Variants in STX16 observed in about 807,000 individuals in gnomAD.
STX16 encodes syntaxin-16.
In STX16, 28 loss-of-function variants were observed where a neutral mutation model predicts 42.7. The ratio of observed to expected loss-of-function variants is 0.66; its 90% CI spans 0.49 to 0.90. STX16 has a LOEUF of 0.90. Among genes scored for constraint, STX16 ranks in the 40% least tolerant of loss-of-function variants. The pLI is 0.00. For synonymous variants in STX16, 156 were observed against 155.2 expected, an observed-to-expected ratio of 1.00 and a Z score of -0.04; for missense variants, 361 against 420.9, an observed-to-expected ratio of 0.86 and a Z score of 1.24.
rs1472630071 is a variant in STX16 at position 58,667,498 on chromosome 20, T to G, written c.153T>G (p.Asp51Glu). The G allele has an allele frequency of 1.2e-6, 2 of 1,613,942 alleles. No individual in the cohort carries two copies. Among genetic ancestry groups the G allele is most frequent in the Non-Finnish European group, 1.7e-6 (2 of 1,179,994 alleles). ...SIAAELDELADDRMALVSGIS... is the reference protein window; with the variant it reads ...SIAAELDELAEDRMALVSGIS... ...CCTTTACTTTCCTGTAGCTTGCTGA[T>G]GACCGTATGGCACTGGTGTCAGGCA... The change falls in exon 3 of 9, where the codon GAT (aspartate) becomes GAG (glutamate). Residue 51 changes from aspartate (D) to glutamate (E), a missense_variant. Asp to Glu is a conservative substitution (Grantham distance 45). Transcript: ENST00000371141.
At chr20:58,665,223 C>G (rs1006833681) in intron 2 of STX16, among the ~76,000 whole-genome samples, 8 of 152,222 alleles carry the variant, frequency 5.3e-5, no homozygotes, top group African/African-American at 1.9e-4. Context: ...GTCTGCGCCT[C>G]TCTGTCCACG....
chr20:58,665,471 T>G (rs1455785739), intron 2 of STX16, among the ~76,000 whole-genome samples: 1 of 152,240 alleles, frequency 6.6e-6, no homozygotes, highest in Non-Finnish European at 1.5e-5. Context: ...GACCCAGGTT[T>G]CAGTCTGTCA....
chr20:58,660,373 G>T (rs1173805580), intron 2 of STX16, among the ~76,000 whole-genome samples: 1 of 152,208 alleles, frequency 6.6e-6, no homozygotes, highest in Non-Finnish European at 1.5e-5. Flanking sequence ...GAGTGATGGA[G>T]AGGTGAGGGT....
chr20:58,667,485 T>C lies in STX16; in HGVS notation c.145-5T>C. The C allele has an allele frequency of 6.2e-7, 1 of 1,613,730 alleles. No individual in the cohort carries two copies. Among genetic ancestry groups the C allele is most frequent in the African/African-American group, 1.3e-5 (1 of 75,054 alleles). ...TTTTTTTCATGTCCCTTTACTTTCC[T>C]GTAGCTTGCTGATGACCGTATGGCA... On this transcript the variant is annotated splice_region_variant and splice_polypyrimidine_tract_variant and intron_variant, in intron 2 of 8. Transcript: ENST00000371141.
intron 7 of STX16, among the ~76,000 whole-genome samples, 159 bp downstream of exon 7, chr20:58,671,456 G>A (rs927971520): frequency 9.3e-5 from 12 of 128,744 alleles, no homozygotes; most frequent in African/African-American, 2.9e-4. Context: ...GTGTGTGTGT[G>A]TGTGTGTGTG....
chr20:58,661,409 G>T (rs1204360863), intron 2 of STX16, among the ~76,000 whole-genome samples: 1 of 152,224 alleles, frequency 6.6e-6, no homozygotes, highest in Non-Finnish European at 1.5e-5. Context: ...GCTTAAAAGG[G>T]AGTCTTCACG....
rs11481330 is a variant in STX16 at position 58,671,422 on chromosome 20, C to CT, written c.792+128dup. On this transcript the variant is annotated intron_variant, in intron 7 of 8. Transcript: ENST00000371141. ...TTCCCAACATGTGTGTGCACCTGTC[C>CT]TTTATGTGTGTGTGGGTGTGTGTGT... is the stretch of plus-strand genomic sequence containing the variant. 0.32 allele frequency: 190,675 copies of CT among 591,580 alleles called. 42,773 individuals are homozygous for CT. The highest frequency in any genetic ancestry group is 0.45 in the African/African-American group (21,960 of 49,000). The allele number at this position is 591,580 out of a possible 1,614,324, so 36.6% of individuals were successfully genotyped here.
At chr20:58,672,377 TGTATATGAAACATTAATG>T (rs1334178793) in intron 7 of STX16, among the ~76,000 whole-genome samples, 1 of 151,876 alleles carries the variant, frequency 6.6e-6, no homozygotes, top group African/African-American at 2.4e-5. Context: ...TTTCAAGCTA[TGTATATGAAACATTAATG>T]GTATATGAAA....
At position 58,668,020 on chromosome 20, in the gene STX16, A is replaced by G. The variant is rs1372753001; in HGVS notation, c.286A>G (p.Met96Val). ...QYDVGRIKQKMKELASLHDKH... is the reference protein window; with the variant it reads ...QYDVGRIKQKVKELASLHDKH... ...TGATGTTGGCCGGATTAAGCAGAAG[A>G]TGAAAGAATTGGCCAGCCTTCATGA... Residue 96 changes from methionine to valine, a missense_variant, in exon 4 of 9, where the codon ATG becomes GTG. By Grantham distance (21) the Met-to-Val change is conservative. Transcript: ENST00000371141. 2.5e-6 allele frequency: 4 copies of G among 1,614,124 alleles called. No homozygotes were observed. The African/African-American group carries it at 5.3e-5, about 22-fold the overall frequency.
At chr20:58,663,562 C>T (rs1296317994) in intron 2 of STX16, among the ~76,000 whole-genome samples, 2 of 151,926 alleles carry the variant, frequency 1.3e-5, no homozygotes, top group African/African-American at 4.8e-5. Context: ...CCCAGTAGTT[C>T]TTGGAGAGAG....
At position 58,666,760 on chromosome 20, in the gene STX16, C is replaced by T. The variant is rs575532435; in HGVS notation, c.145-730C>T. On this transcript the variant is annotated intron_variant, in intron 2 of 8. Coordinates refer to ENST00000371141, the MANE Select transcript of STX16 (RefSeq NM_001001433.3). ...CCTCCCATTCTTAAAAGCTTTCTACCGCAGTGTGTTATATAGTTAAAATAA... is the reference window on the plus strand; with the variant it reads ...CCTCCCATTCTTAAAAGCTTTCTACTGCAGTGTGTTATATAGTTAAAATAA... Among the ~76,000 whole-genome samples, 6 of 152,248 alleles carry T rather than the reference C, an allele frequency of 3.9e-5. No homozygotes were observed. In the South Asian group the frequency reaches 1.2e-3, roughly 32 times the overall value.
chr20:58,665,872 G>A (rs1323373654), intron 2 of STX16, among the ~76,000 whole-genome samples: 1 of 152,178 alleles, frequency 6.6e-6, no homozygotes, highest in Non-Finnish European at 1.5e-5. Context: ...GAGTGGACAC[G>A]TGCCCCAGAG....
At chr20:58,669,510 T>C in intron 5 of STX16, 57 bp downstream of exon 5, 1 of 1,546,072 alleles carries the variant, frequency 6.5e-7, no homozygotes, top group South Asian at 1.2e-5. Flanking sequence ...ACTTTATGTT[T>C]TCTTTTTTGC....
chr20:58,674,370 ACT>A (rs1184237400), intron 8 of STX16, among the ~76,000 whole-genome samples: 3 of 152,168 alleles, frequency 2.0e-5, no homozygotes, highest in African/African-American at 7.2e-5. Context: ...AACGGCTGAG[ACT>A]CTCATATATA....
At chr20:58,667,957 C>T (rs752386624) in intron 3 of STX16, 30 bp from the exon 4 acceptor site, 4 of 1,613,798 alleles carry the variant, frequency 2.5e-6, no homozygotes, top group South Asian at 1.1e-5. Context: ...TGCCTGGCAT[C>T]AGTGGAGTTC....
chr20:58,663,912 A>G lies in STX16; in HGVS notation c.145-3578A>G, dbSNP rs186529702. 3.8e-3 allele frequency among the ~76,000 whole-genome samples: 579 copies of G among 152,290 alleles called. 4 individuals are homozygous for G. The highest frequency in any genetic ancestry group is 0.014 in the African/African-American group (562 of 41,560). ...AGGCTGGTCTTGAACTCCCGACCTC[A>G]GGCAATCCGCCTGCCTCAGCCTCCC... On this transcript the variant is annotated intron_variant, in intron 2 of 8. Transcript: ENST00000371141.
At chr20:58,662,035 T>C (rs1385270702) in intron 2 of STX16, among the ~76,000 whole-genome samples, 1 of 152,178 alleles carries the variant, frequency 6.6e-6, no homozygotes, top group Non-Finnish European at 1.5e-5. Context: ...AAGTAAGGTG[T>C]TCCCTGAGGA....
chr20:58,659,543 G>A (rs2083651735), intron 1 of STX16, 80 bp from the exon 2 acceptor site: 9 of 1,431,140 alleles, frequency 6.3e-6, no homozygotes, highest in Non-Finnish European at 8.6e-6. Flanking sequence ...ACCATGCCTT[G>A]TCTGTCTGTC....
In STX16 at chr20:58,677,697, T is replaced by C. The variant is rs934418613; in HGVS notation, c.*1406T>C. ...AAGAATATGACCTCATTAAATGTGC[T>C]GTTTTATTTGGACCAGTCACACAAA... On this transcript the variant is annotated 3_prime_UTR_variant, in exon 9 of 9. Transcript: ENST00000371141. 4 of 152,240 alleles carry C rather than the reference T, an allele frequency of 2.6e-5. No homozygotes were observed. Among genetic ancestry groups the C allele is most frequent in the African/African-American group, 9.6e-5 (4 of 41,470 alleles). The allele number at this position is 152,240 out of a possible 1,614,324, so 9.4% of individuals were successfully genotyped here. A position where few individuals can be genotyped will look rare whatever the true frequency, so the allele number is the denominator to read the frequency against.
Sources: gnomAD v4.1 joint callset for allele counts (sites outside exome capture counted in the v4.1 genomes callset) on GRCh38, gnomAD v4.1.1 for gene constraint, MANE v1.5 for transcripts, NCBI Gene and HGNC (gene_info 2026-07-23, HGNC 2026-07-21) for gene names.